CPQ: variants seen among roughly 807,000 people sequenced by gnomAD.
CPQ encodes carboxypeptidase Q.
CPQ carries 37 observed loss-of-function variants against 45.7 expected under a neutral mutation model. The ratio of observed to expected loss-of-function variants is 0.81; its 90% CI spans 0.62 to 1.07. The LOEUF (loss-of-function observed/expected upper bound fraction) is 1.07. CPQ is among the 50% of genes least tolerant of loss of function. The pLI is 0.00. For missense variants in CPQ, 537 were observed against 572.9 expected (o/e 0.94, Z 0.64); for synonymous variants, 186 against 205.8 (o/e 0.90, Z 0.82).
At chr8:97,059,671 T>C (rs1810514274) in intron 6 of CPQ, among the ~76,000 whole-genome samples, 1 of 152,150 alleles carries the variant, frequency 6.6e-6, no homozygotes, top group Non-Finnish European at 1.5e-5. Flanking sequence ...ATCACCTTCA[T>C]CCACAGAAAC....
intron 7 of CPQ, among the ~76,000 whole-genome samples, chr8:97,094,076 C>CT: frequency 1.9e-5 from 2 of 106,718 alleles, no homozygotes; most frequent in East Asian, 6.3e-4. Context: ...TTTTTCTTTT[C>CT]TTTTTTTCTC....
At chr8:96,926,640 TCTTCTTCTCCTTCTCCTTCTC>T (rs1812893518) in intron 4 of CPQ, among the ~76,000 whole-genome samples, 1 of 148,884 alleles carries the variant, frequency 6.7e-6, no homozygotes, top group South Asian at 2.1e-4. Flanking sequence ...TTCTCCTTCT[TCTTCTTCTCCTTCTCCTTCTC>T]CCTATTCTTC....
intron 7 of CPQ, 53 bp downstream of exon 7, chr8:97,066,263 T>C (rs1810634950): frequency 6.5e-7 from 1 of 1,531,526 alleles, no homozygotes; most frequent in Non-Finnish European, 8.9e-7. Flanking sequence ...CAATTTAAAA[T>C]AAAATTTCTG....
chr8:96,784,682 A>G (rs1313498616), intron 1 of CPQ, among the ~76,000 whole-genome samples, 182 bp from the exon 2 acceptor site: 1 of 152,120 alleles, frequency 6.6e-6, no homozygotes, highest in Non-Finnish European at 1.5e-5. Context: ...GTTTTAAGGG[A>G]GGTCAATCGT....
chr8:96,651,305 T>C (rs1157724718), intron 1 of CPQ, among the ~76,000 whole-genome samples: 1 of 152,180 alleles, frequency 6.6e-6, no homozygotes, highest in Non-Finnish European at 1.5e-5. Context: ...TTCACCAATA[T>C]AGTGAGCCAG....
At chr8:96,921,648 G>GA (rs1812809529) in intron 4 of CPQ, among the ~76,000 whole-genome samples, 1 of 152,152 alleles carries the variant, frequency 6.6e-6, no homozygotes, top group African/African-American at 2.4e-5. Context: ...TTGAGCCAGG[G>GA]AGGTCTTCCC....
chr8:96,977,932 C>T (rs1324467072), intron 5 of CPQ, among the ~76,000 whole-genome samples: 1 of 152,156 alleles, frequency 6.6e-6, no homozygotes, highest in African/African-American at 2.4e-5. Context: ...ATAACTTACT[C>T]ATGTAACCAA....
intron 1 of CPQ, among the ~76,000 whole-genome samples, chr8:96,686,930 C>G (rs1809237208): frequency 6.6e-6 from 1 of 152,082 alleles, no homozygotes; most frequent in Non-Finnish European, 1.5e-5. Context: ...CATCTTAATT[C>G]TCAAATTTAC....
At chr8:96,898,148 G>A (rs191404603) in intron 4 of CPQ, among the ~76,000 whole-genome samples, 85 of 152,186 alleles carry the variant, frequency 5.6e-4, no homozygotes, top group Non-Finnish European at 1.1e-3. Flanking sequence ...CTAAGAACTG[G>A]AATCTTGAGG....
intron 7 of CPQ, among the ~76,000 whole-genome samples, chr8:97,078,713 T>A (rs1219378283): frequency 3.3e-5 from 5 of 151,938 alleles, no homozygotes; most frequent in African/African-American, 1.2e-4. Context: ...GATGTACAAA[T>A]TTCTGTTAAC....
chr8:96,700,455 C>T (rs1328373905), intron 1 of CPQ, among the ~76,000 whole-genome samples: 1 of 152,050 alleles, frequency 6.6e-6, no homozygotes, highest in African/African-American at 2.4e-5. Flanking sequence ...GTGCGTGGAC[C>T]AGTGACTGAG....
intron 5 of CPQ, among the ~76,000 whole-genome samples, chr8:96,984,305 G>A (rs2130393027): frequency 6.6e-6 from 1 of 152,236 alleles, no homozygotes; most frequent in African/African-American, 2.4e-5. Context: ...TGGTCTGAAT[G>A]TGTCTCCCAA....
rs1230823697 is a variant in CPQ, at chr8:96,976,314, G to A, written c.961+10268G>A. Among the ~76,000 whole-genome samples, 19 of 141,100 alleles carry A rather than the reference G, an allele frequency of 1.3e-4. No homozygotes were observed. The East Asian group carries it at 3.8e-3, about 28-fold the overall frequency. 92.6% of individuals were successfully genotyped at this position (141,100 alleles called of 152,430 possible). ...AACCAAGGACGTGAAAGACCTCTAC[G>A]AGTAAAACTAAAAAGCTCTGCTGAA... On this transcript the variant is annotated intron_variant, in intron 5 of 7. Coordinates refer to ENST00000220763, the MANE Select transcript of CPQ (RefSeq NM_016134.4).
At chr8:96,939,464 A>G (rs1163443414) in intron 4 of CPQ, among the ~76,000 whole-genome samples, 1 of 152,118 alleles carries the variant, frequency 6.6e-6, no homozygotes, top group Non-Finnish European at 1.5e-5. Flanking sequence ...GCTAGTCTGA[A>G]GTTTTTTGTG....
At chr8:97,067,506 C>T (rs1403710512) in intron 7 of CPQ, among the ~76,000 whole-genome samples, 3 of 152,128 alleles carry the variant, frequency 2.0e-5, no homozygotes, top group Non-Finnish European at 4.4e-5. Context: ...TGTCTCTGGA[C>T]CTACTCCACT....
At chr8:96,781,790 C>T (rs892533782) in intron 1 of CPQ, among the ~76,000 whole-genome samples, 9 of 152,178 alleles carry the variant, frequency 5.9e-5, no homozygotes, top group Non-Finnish European at 1.3e-4. Context: ...TACAAGTTAT[C>T]TATTTCCACA....
At chr8:96,728,092 A>C (rs1180846467) in intron 1 of CPQ, among the ~76,000 whole-genome samples, 1 of 152,044 alleles carries the variant, frequency 6.6e-6, no homozygotes, top group Non-Finnish European at 1.5e-5. Context: ...CCTCATTGTG[A>C]CATCTCTCAG....
chr8:96,759,699 C>A (rs114461512), intron 1 of CPQ, among the ~76,000 whole-genome samples: 1 of 152,046 alleles, frequency 6.6e-6, no homozygotes. Context: ...AACATTTAAG[C>A]GACTTGTCCA....
chr8:96,696,500 T>G (rs1265949590), intron 1 of CPQ, among the ~76,000 whole-genome samples: 2 of 149,352 alleles, frequency 1.3e-5, no homozygotes, highest in Non-Finnish European at 1.5e-5. Flanking sequence ...CCAAAATTAG[T>G]AGAAGAAAAT....
Sources: allele counts gnomAD v4.1 joint callset (sites outside exome capture counted in the v4.1 genomes callset), GRCh38; gene constraint gnomAD v4.1.1; transcripts MANE v1.5; gene names NCBI Gene and HGNC (gene_info 2026-07-23, HGNC 2026-07-21).